FSTL5: variants seen among roughly 807,000 people sequenced by gnomAD.
The protein encoded by FSTL5 is follistatin like 5, also known as follistatin-related protein 5.
FSTL5 carries 62 observed loss-of-function variants against 89.1 expected under a neutral mutation model. That is an observed-to-expected ratio of 0.70 (90% CI 0.57 to 0.86). FSTL5 has a LOEUF of 0.86. Among genes scored for constraint, FSTL5 ranks in the 40% least tolerant of loss-of-function variants. The probability of loss-of-function intolerance (pLI) is 0.00; values close to 1 mark genes in which losing one functional copy is unlikely to be tolerated. For synonymous variants in FSTL5, 383 were observed against 346.2 expected (o/e 1.11, Z -1.18); for missense variants, 1,057 against 1,001.6 (o/e 1.06, Z -0.75).
At chr4:161,770,669 C>A (rs1741177309) in intron 5 of FSTL5, among the ~76,000 whole-genome samples, 1 of 151,486 alleles carries the variant, frequency 6.6e-6, no homozygotes. Flanking sequence ...ATTTTTAAAA[C>A]TTAATTTTAT....
intron 2 of FSTL5, among the ~76,000 whole-genome samples, chr4:162,047,159 G>A (rs1369902861): frequency 6.6e-6 from 1 of 152,052 alleles, no homozygotes; most frequent in Non-Finnish European, 1.5e-5. Context: ...GAGATAAACA[G>A]AAAGTAGGTC....
At chr4:161,652,746 T>C (rs1387161658) in intron 7 of FSTL5, among the ~76,000 whole-genome samples, 1 of 152,126 alleles carries the variant, frequency 6.6e-6, no homozygotes, top group African/African-American at 2.4e-5. Context: ...ATTGTAATTG[T>C]TCGCAATTAA....
intron 3 of FSTL5, among the ~76,000 whole-genome samples, chr4:162,029,605 G>C (rs1397675593): frequency 6.6e-6 from 1 of 152,194 alleles, no homozygotes; most frequent in East Asian, 1.9e-4. Flanking sequence ...CCTGGCAAAA[G>C]TCCTAGACAC....
At position 162,101,761 on chromosome 4, in the gene FSTL5, C is replaced by T. The variant is rs562562308; in HGVS notation, c.126+9510G>A. ...TCCTAAACATGCCGAATGTCAAGCT[C>T]ATAAACCAGAATATTTCTTTTCATT... On this transcript the variant is annotated intron_variant, in intron 2 of 15. Transcript: ENST00000306100. 4.6e-5 allele frequency among the ~76,000 whole-genome samples: 7 copies of T among 152,304 alleles called. No homozygotes were observed. In the Middle Eastern group the frequency reaches 0.014, roughly 296 times the overall value.
chr4:162,124,711 T>G (rs1732002152), intron 1 of FSTL5, among the ~76,000 whole-genome samples: 2 of 152,078 alleles, frequency 1.3e-5, no homozygotes, highest in South Asian at 2.1e-4. Flanking sequence ...TTGTTTGTTT[T>G]TTTTCTGAGA....
chr4:161,937,159 C>G (rs904783770), intron 3 of FSTL5, among the ~76,000 whole-genome samples: 1 of 152,000 alleles, frequency 6.6e-6, no homozygotes, highest in Non-Finnish European at 1.5e-5. Flanking sequence ...CACAACATAA[C>G]AAAACCTGTA....
intron 3 of FSTL5, among the ~76,000 whole-genome samples, chr4:161,921,444 T>C (rs905561984): frequency 2.0e-5 from 3 of 152,252 alleles, no homozygotes; most frequent in Middle Eastern, 3.4e-3. Context: ...TCTAGGCAGA[T>C]TTAGCTTTGA....
At chr4:161,584,106 T>C (rs1733526078) in intron 8 of FSTL5, among the ~76,000 whole-genome samples, 1 of 152,124 alleles carries the variant, frequency 6.6e-6, no homozygotes, top group African/African-American at 2.4e-5. Flanking sequence ...TACTCCAAGC[T>C]TTCCCCAACA....
At chr4:161,977,382 G>A (rs1052045856) in intron 3 of FSTL5, among the ~76,000 whole-genome samples, 5 of 151,816 alleles carry the variant, frequency 3.3e-5, no homozygotes, top group Non-Finnish European at 7.4e-5. Flanking sequence ...GGAGGCCGAG[G>A]CAGGCGGGTC....
At chr4:161,774,124 TG>T (rs1560837475) in intron 5 of FSTL5, among the ~76,000 whole-genome samples, 1 of 152,050 alleles carries the variant, frequency 6.6e-6, no homozygotes, top group Non-Finnish European at 1.5e-5. Flanking sequence ...TAGCCAGGCA[TG>T]GTGGCGGGTG....
At chr4:161,452,054 T>C (rs1578984510) in intron 15 of FSTL5, among the ~76,000 whole-genome samples, 1 of 152,240 alleles carries the variant, frequency 6.6e-6, no homozygotes, top group Non-Finnish European at 1.5e-5. Flanking sequence ...TTTCAGACCC[T>C]CTGCCTGGCA....
chr4:161,788,938 G>A (rs1368692043), intron 4 of FSTL5, among the ~76,000 whole-genome samples: 1 of 151,892 alleles, frequency 6.6e-6, no homozygotes, highest in African/African-American at 2.4e-5. Flanking sequence ...AACAATGCCT[G>A]GATTTCAAAA....
chr4:161,647,088 T>TG (rs1433636888), intron 7 of FSTL5, among the ~76,000 whole-genome samples: 1 of 152,214 alleles, frequency 6.6e-6, no homozygotes, highest in Non-Finnish European at 1.5e-5. Flanking sequence ...ACCAATGCCA[T>TG]GAGGCTTTTC....
intron 15 of FSTL5, among the ~76,000 whole-genome samples, chr4:161,411,969 G>T (rs1036922257): frequency 5.3e-5 from 8 of 152,224 alleles, no homozygotes; most frequent in African/African-American, 1.9e-4. Context: ...AAGGCTCCTA[G>T]AATTGATAAA....
chr4:162,084,141 G>A (rs780700862), intron 2 of FSTL5, among the ~76,000 whole-genome samples: 21 of 151,856 alleles, frequency 1.4e-4, no homozygotes, highest in Non-Finnish European at 2.7e-4. Flanking sequence ...TTGCTAGAAT[G>A]AACAGATGCA....
intron 3 of FSTL5, among the ~76,000 whole-genome samples, chr4:162,020,134 A>C (rs1430189106): frequency 1.3e-5 from 2 of 151,870 alleles, no homozygotes; most frequent in African/African-American, 4.8e-5. Flanking sequence ...TAAATGAGAA[A>C]GTTTATAGCA....
At chr4:162,052,048 G>A (rs1209270196) in intron 2 of FSTL5, among the ~76,000 whole-genome samples, 1 of 151,076 alleles carries the variant, frequency 6.6e-6, no homozygotes, top group Non-Finnish European at 1.5e-5. Flanking sequence ...CCTGTCTCAA[G>A]TCTGAATTAA....
At chr4:162,124,177 C>T (rs1269550867) in intron 1 of FSTL5, among the ~76,000 whole-genome samples, 2 of 152,084 alleles carry the variant, frequency 1.3e-5, no homozygotes, top group African/African-American at 4.8e-5. Flanking sequence ...CACAAGTGAA[C>T]TTTTGAAATG....
chr4:161,945,707 G>T (rs559929787), intron 3 of FSTL5, among the ~76,000 whole-genome samples: 3 of 152,112 alleles, frequency 2.0e-5, no homozygotes, highest in Non-Finnish European at 2.9e-5. Context: ...AGCCAAGATG[G>T]TGCCATTGCA....
Sources: gnomAD v4.1 joint callset for allele counts (sites outside exome capture counted in the v4.1 genomes callset) on GRCh38, gnomAD v4.1.1 for gene constraint, MANE v1.5 for transcripts, NCBI Gene and HGNC (gene_info 2026-07-23, HGNC 2026-07-21) for gene names.